Variants in TCTN3 observed in about 807,000 individuals in gnomAD.
TCTN3 encodes the protein tectonic-3.
A neutral mutation model predicts 71.3 loss-of-function variants in TCTN3; 57 were observed. The observed-to-expected ratio is 0.80, with a 90% CI of 0.65 to 1.00. The LOEUF is 1.00. Among genes scored for constraint, TCTN3 ranks in the 50% least tolerant of loss-of-function variants. The pLI, the probability that TCTN3 is intolerant of heterozygous loss-of-function variation, is 0.00. For missense variants in TCTN3, 696 were observed against 719.9 expected (o/e 0.97, Z 0.38); for synonymous variants, 258 against 267.8 (o/e 0.96, Z 0.36).
At chr10:95,664,788 TAGA>T (rs557000486) in intron 13 of TCTN3, among the ~76,000 whole-genome samples, 9 of 152,334 alleles carry the variant, frequency 5.9e-5, no homozygotes, top group Admixed American at 1.3e-4. Context: ...CAGATGTTCC[TAGA>T]AGAAGGGATC....
chr10:95,683,922 A>T (rs1245573852), intron 9 of TCTN3, among the ~76,000 whole-genome samples: 1 of 151,714 alleles, frequency 6.6e-6, no homozygotes. Flanking sequence ...TTTAGCAATA[A>T]TAACACAGCC....
rs142808044 is a variant in TCTN3 at position 95,687,539 on chromosome 10, G to A, written c.627+53C>T. Reference sequence around the variant, plus strand: ...TGCAAAGTTACCTTGTCAGCTGTCTGCTGTGAGAGTAAAAACTAAACCAAA... The same window carrying A: ...TGCAAAGTTACCTTGTCAGCTGTCTACTGTGAGAGTAAAAACTAAACCAAA... On this transcript the variant is annotated intron_variant, in intron 4 of 13. Coordinates refer to ENST00000371217, the MANE Select transcript of TCTN3 (RefSeq NM_015631.6). 1.8e-3 allele frequency: 2,832 copies of A among 1,602,984 alleles called. 13 individuals are homozygous for A. Among genetic ancestry groups the A allele is most frequent in the Middle Eastern group, 0.016 (94 of 5,998 alleles).
In TCTN3 at chr10:95,663,715, C is replaced by T. The variant is rs2097923630; in HGVS notation, c.*352G>A. The T allele has an allele frequency of 4.8e-6, 1 of 209,878 alleles. No homozygotes were observed. The highest frequency in any genetic ancestry group is 9.7e-6 in the Non-Finnish European group (1 of 103,126). 13.0% of individuals were successfully genotyped at this position (209,878 alleles called of 1,614,324 possible). A position where few individuals can be genotyped will look rare whatever the true frequency, so the allele number is the denominator to read the frequency against. ...CAGCAGAAGTGTTTCTCTCTTTCTG[C>T]TTGGCCCAACTGTGCCTGAGGGCTG... On this transcript the variant is annotated 3_prime_UTR_variant, in exon 14 of 14. Coordinates refer to ENST00000371217, the MANE Select transcript of TCTN3 (RefSeq NM_015631.6).
At chr10:95,687,862 T>C in intron 3 of TCTN3, 143 bp from the exon 4 acceptor site, 2 of 913,472 alleles carry the variant, frequency 2.2e-6, no homozygotes, top group Non-Finnish European at 1.6e-6. Flanking sequence ...CAAATTTATA[T>C]ACTTGTATTA....
intron 3 of TCTN3, among the ~76,000 whole-genome samples, chr10:95,688,450 G>C (rs2097950759): frequency 6.7e-6 from 1 of 148,242 alleles, no homozygotes; most frequent in Admixed American, 6.8e-5. Context: ...GCTCGATAAT[G>C]CTCATGTCTG....
At chr10:95,669,237 C>T (rs763432846) in intron 13 of TCTN3, among the ~76,000 whole-genome samples, 26 of 151,966 alleles carry the variant, frequency 1.7e-4, no homozygotes, top group African/African-American at 3.4e-4. Flanking sequence ...CATAGTAGGG[C>T]GACTGTATTA....
Position 95,693,357 on chromosome 10 carries a change from C to T in TCTN3, c.376G>A (p.Val126Ile). 1.3e-6 allele frequency: 2 copies of T among 1,551,808 alleles called. No individual in the cohort carries two copies. The highest frequency in any genetic ancestry group is 1.7e-6 in the Non-Finnish European group (2 of 1,147,000). ...TVFSFCLPGS[V>I]RSSSWVCVDN... ...AGTCTGAGCAACGAAGCTCACCTTA[C>T]GCTGCCTGGAAGGCAGAAGGAGAAA... The change falls in exon 2 of 14, where the codon GTA (valine) becomes ATA (isoleucine). Residue 126 changes from valine to isoleucine, a missense_variant. By Grantham distance (29) the Val-to-Ile change is conservative. Coordinates refer to ENST00000371217, the MANE Select transcript of TCTN3 (RefSeq NM_015631.6).
chr10:95,688,374 G>A (rs2097950438), intron 3 of TCTN3, among the ~76,000 whole-genome samples: 1 of 99,450 alleles, frequency 1.0e-5, no homozygotes, highest in South Asian at 3.4e-4. Context: ...TGGGCAACAA[G>A]AGCGAAACTC....
At position 95,680,580 on chromosome 10, in the gene TCTN3, T is replaced by C; in HGVS notation, c.1482A>G (p.Ile494Met). The change falls in exon 13 of 14, where the codon ATA (isoleucine) becomes ATG (methionine). Residue 494 changes from isoleucine (I) to methionine (M), a missense_variant. Coordinates refer to ENST00000371217, the MANE Select transcript of TCTN3 (RefSeq NM_015631.6). ...ATACCTGGATCTCCAGGGAAACTGG[T>C]ATGAGACAGCAGGAAGTACAGTTTA... is the stretch of plus-strand genomic sequence containing the variant. ...SAINCTSCCLIPVSLEIQVLW... is the reference protein window; with the variant it reads ...SAINCTSCCLMPVSLEIQVLW... The C allele has an allele frequency of 6.2e-7, 1 of 1,613,980 alleles. No individual in the cohort carries two copies. Among genetic ancestry groups the C allele is most frequent in the Non-Finnish European group, 8.5e-7 (1 of 1,179,978 alleles).
chr10:95,668,255 C>CA (rs374400684), intron 13 of TCTN3, among the ~76,000 whole-genome samples: 53,651 of 119,720 alleles, frequency 0.45, 12,148 homozygotes, highest in Admixed American at 0.49. Flanking sequence ...ATAGGAGTGC[C>CA]AAAAAAAAAA....
At chr10:95,684,668 C>T (rs2097946588) in intron 8 of TCTN3, 44 bp from the exon 9 acceptor site, 3 of 1,605,528 alleles carry the variant, frequency 1.9e-6, no homozygotes, top group Non-Finnish European at 2.6e-6. Flanking sequence ...AGTTATTGGG[C>T]CGAATATGTT....
chr10:95,664,114 T>C lies in TCTN3; in HGVS notation c.1777A>G (p.Ile593Val), dbSNP rs1258899537. ...SQKCSVSPIL[I>V]LCLLLLGVLN... ...ACTCCAAGTAGTAAGAGGCACAGGA[T>C]AAGGATGGGAGAGACTGAGCATTTT... is the stretch of plus-strand genomic sequence containing the variant. The change falls in exon 14 of 14, where the codon ATC (isoleucine) becomes GTC (valine). Residue 593 changes from isoleucine to valine, a missense_variant. Transcript: ENST00000371217. The C allele has an allele frequency of 6.2e-7, 1 of 1,614,116 alleles. No individual in the cohort carries two copies. Among genetic ancestry groups the C allele is most frequent in the Non-Finnish European group, 8.5e-7 (1 of 1,180,020 alleles).
At chr10:95,665,727 A>T (rs1024339934) in intron 13 of TCTN3, among the ~76,000 whole-genome samples, 2 of 152,220 alleles carry the variant, frequency 1.3e-5, no homozygotes, top group Non-Finnish European at 2.9e-5. Context: ...TAATATGTGC[A>T]TCAGAATGAA....
chr10:95,677,486 T>TTTTTTTTTTTTTTTTTG (rs2097938461), intron 13 of TCTN3, among the ~76,000 whole-genome samples: 1 of 133,722 alleles, frequency 7.5e-6, no homozygotes, highest in Non-Finnish European at 1.6e-5. Context: ...TTTTTTTGTT[T>TTTTTTTTTTTTTTTTTG]TTTTTTTTTT....
chr10:95,667,186 C>T (rs890819019), intron 13 of TCTN3, among the ~76,000 whole-genome samples: 8 of 152,098 alleles, frequency 5.3e-5, no homozygotes, highest in Non-Finnish European at 2.9e-5. Flanking sequence ...AAAAATTGTT[C>T]GAACTGAGTT....
At chr10:95,679,355 G>A (rs2097940490) in intron 13 of TCTN3, among the ~76,000 whole-genome samples, 1 of 152,194 alleles carries the variant, frequency 6.6e-6, no homozygotes, top group Non-Finnish European at 1.5e-5. Context: ...GGTAACCTGA[G>A]TGTTGACCCC....
intron 13 of TCTN3, among the ~76,000 whole-genome samples, chr10:95,671,610 C>T (rs976329342): frequency 6.6e-6 from 1 of 152,178 alleles, no homozygotes; most frequent in Non-Finnish European, 1.5e-5. Flanking sequence ...TTTGTAGCTG[C>T]ATTCAGACTA....
At chr10:95,682,887 T>C in intron 11 of TCTN3, 83 bp from the exon 12 acceptor site, 1 of 1,495,954 alleles carries the variant, frequency 6.7e-7, no homozygotes, top group Non-Finnish European at 9.0e-7. Flanking sequence ...AAACCAAACA[T>C]TGGAAATAAT....
intron 13 of TCTN3, among the ~76,000 whole-genome samples, chr10:95,668,076 A>G (rs987014442): frequency 3.3e-5 from 5 of 152,136 alleles, no homozygotes; most frequent in Admixed American, 1.3e-4. Flanking sequence ...AAGAAACAGA[A>G]TAAGACAGAC....
Sources: allele counts gnomAD v4.1 joint callset (sites outside exome capture counted in the v4.1 genomes callset), GRCh38; gene constraint gnomAD v4.1.1; transcripts MANE v1.5; gene names NCBI Gene and HGNC (gene_info 2026-07-23, HGNC 2026-07-21).